Variants in ELP4 observed in about 807,000 individuals in gnomAD.
The protein encoded by ELP4 is elongator complex protein 4.
ELP4 carries 51 observed loss-of-function variants against 48.9 expected under a neutral mutation model. The ratio of observed to expected loss-of-function variants is 1.04; its 90% confidence interval spans 0.83 to 1.32. The LOEUF is 1.32. Ranked by LOEUF, ELP4 falls within the 40% of genes most tolerant of loss-of-function variation. The pLI is 0.00. For synonymous variants in ELP4, 210 were observed against 189.2 expected (o/e 1.11, Z -0.90); for missense variants, 519 against 514.6 (o/e 1.01, Z -0.08).
chr11:31,546,259 A>C (rs557763704), intron 3 of ELP4, among the ~76,000 whole-genome samples: 1 of 152,212 alleles, frequency 6.6e-6, no homozygotes, highest in African/African-American at 2.4e-5. Context: ...GCAGAGACAC[A>C]CATAGGCTCA....
chr11:31,517,415 C>T (rs1284928407), intron 1 of ELP4, among the ~76,000 whole-genome samples: 2 of 151,958 alleles, frequency 1.3e-5, no homozygotes, highest in African/African-American at 2.4e-5. Context: ...CTGCCTGCCT[C>T]GGCCTTCCAA....
chr11:31,602,500 A>G (rs1957801820), intron 4 of ELP4, among the ~76,000 whole-genome samples: 1 of 152,048 alleles, frequency 6.6e-6, no homozygotes, highest in Admixed American at 6.6e-5. Flanking sequence ...TAATGAAAGT[A>G]AGTAGTACCT....
In ELP4 at chr11:31,652,406, A is replaced by C. The variant is rs559660648; in HGVS notation, c.1143+2185A>C. On this transcript the variant is annotated intron_variant, in intron 9 of 9. Coordinates refer to ENST00000640961, the MANE Select transcript of ELP4 (RefSeq NM_019040.5). ...GGTTCACCTAAAAGTAAATGTTTTA[A>C]ATGTAGCATTGTACATTCTAAAATG... 3 of 151,840 alleles carry C rather than the reference A, an allele frequency of 2.0e-5. No individual in the cohort carries two copies. The South Asian group carries it at 6.2e-4, about 31-fold the overall frequency. 9.4% of individuals were successfully genotyped at this position (151,840 alleles called of 1,614,324 possible). A position where few individuals can be genotyped will look rare whatever the true frequency, so the allele number is the denominator to read the frequency against.
chr11:31,739,938 C>T (rs996434658), intron 9 of ELP4, among the ~76,000 whole-genome samples: 1 of 152,216 alleles, frequency 6.6e-6, no homozygotes, highest in African/African-American at 2.4e-5. Context: ...TGCCATCACT[C>T]CAATTCTGAA....
intron 9 of ELP4, among the ~76,000 whole-genome samples, chr11:31,749,262 G>A (rs72898378): frequency 8.9e-4 from 135 of 152,324 alleles, no homozygotes; most frequent in Admixed American, 2.0e-3. Flanking sequence ...AGTCAGGGAT[G>A]CAGTTATCTT....
At chr11:31,771,940 C>T (rs1948152981) in intron 9 of ELP4, among the ~76,000 whole-genome samples, 1 of 151,750 alleles carries the variant, frequency 6.6e-6, no homozygotes, top group Non-Finnish European at 1.5e-5. Flanking sequence ...CAAGATTGTG[C>T]CACTGCACTC....
chr11:31,610,766 T>G (rs1460403220), intron 5 of ELP4, among the ~76,000 whole-genome samples: 1 of 152,244 alleles, frequency 6.6e-6, no homozygotes, highest in African/African-American at 2.4e-5. Context: ...ATCTTGTTCC[T>G]CATTTCATGC....
chr11:31,750,986 A>G (rs1386092359), intron 9 of ELP4, among the ~76,000 whole-genome samples: 2 of 152,216 alleles, frequency 1.3e-5, no homozygotes, highest in African/African-American at 4.8e-5. Flanking sequence ...TCCAGTATTT[A>G]ACACCTCATT....
chr11:31,666,670 C>A lies in ELP4; in HGVS notation c.1143+16449C>A, dbSNP rs193269992. ...TTGCGCCACTGCACTCCAGCCTGGA[C>A]GACAGAGTGAGATTCTGTCTCAAAA... On this transcript the variant is annotated intron_variant, in intron 9 of 9. Transcript: ENST00000640961. 3.9e-4 allele frequency among the ~76,000 whole-genome samples: 53 copies of A among 134,386 alleles called. No individual in the cohort carries two copies. The South Asian group carries it at 0.012, about 31-fold the overall frequency. 88.2% of individuals were successfully genotyped at this position (134,386 alleles called of 152,430 possible).
At chr11:31,544,566 G>T (rs530014595) in intron 3 of ELP4, among the ~76,000 whole-genome samples, 2 of 152,332 alleles carry the variant, frequency 1.3e-5, no homozygotes, top group East Asian at 3.9e-4. Flanking sequence ...TCCACCTCTC[G>T]GGGCAGGGCA....
Position 31,753,003 on chromosome 11 carries a change from C to T in ELP4, c.1144-30390C>T, listed in dbSNP as rs559487803. On this transcript the variant is annotated intron_variant, in intron 9 of 9. Transcript: ENST00000640961. ...CTTAGCCTGTCTATATTACGGTTTA[C>T]TCATCTGTATAAGGGTCATCGAGAA... is the stretch of plus-strand genomic sequence containing the variant. 2.6e-4 allele frequency among the ~76,000 whole-genome samples: 40 copies of T among 152,248 alleles called. No homozygotes were observed. The South Asian group carries it at 3.9e-3, about 15-fold the overall frequency.
At chr11:31,667,402 C>CT (rs1214113183) in intron 9 of ELP4, among the ~76,000 whole-genome samples, 2 of 152,022 alleles carry the variant, frequency 1.3e-5, no homozygotes, top group African/African-American at 4.8e-5. Context: ...TAACCATCAA[C>CT]TTTATTTTGG....
chr11:31,660,650 G>GT (rs146181217), intron 9 of ELP4, among the ~76,000 whole-genome samples: 2,721 of 150,898 alleles, frequency 0.018, 83 homozygotes, highest in African/African-American at 0.063. Context: ...ATATGTACTT[G>GT]TTTTTTTTTA....
intron 9 of ELP4, among the ~76,000 whole-genome samples, chr11:31,748,125 T>C (rs185909595): frequency 6.6e-6 from 1 of 152,340 alleles, no homozygotes; most frequent in Admixed American, 6.5e-5. Flanking sequence ...TCCAATTGTT[T>C]CCTTTTTCTG....
chr11:31,680,815 C>G (rs1399298697), intron 9 of ELP4, among the ~76,000 whole-genome samples: 5 of 152,092 alleles, frequency 3.3e-5, no homozygotes, highest in Admixed American at 2.0e-4. Context: ...AGGAAGAACT[C>G]TAAGGTAGAC....
intron 5 of ELP4, among the ~76,000 whole-genome samples, chr11:31,606,195 CTTAA>C (rs1466416373): frequency 6.6e-6 from 1 of 152,016 alleles, no homozygotes; most frequent in Non-Finnish European, 1.5e-5. Context: ...AACTTAAATG[CTTAA>C]TTAAATGTAA....
At chr11:31,557,958 A>C (rs1269258687) in intron 3 of ELP4, among the ~76,000 whole-genome samples, 1 of 152,018 alleles carries the variant, frequency 6.6e-6, no homozygotes, top group Non-Finnish European at 1.5e-5. Context: ...TCTTTTGTTC[A>C]TCATATAAAT....
intron 8 of ELP4, chr11:31,648,089 G>A (rs745442570): frequency 5.0e-5 from 15 of 300,392 alleles, no homozygotes; most frequent in Non-Finnish European, 1.2e-5. Context: ...TGAGTCAGGT[G>A]TATATTTTGT....
At chr11:31,715,110 C>CT (rs1946818101) in intron 9 of ELP4, 1 of 278,946 alleles carries the variant, frequency 3.6e-6, no homozygotes. Flanking sequence ...GATGGCAACT[C>CT]TTTCTCAGAT....
Sources: gnomAD v4.1 joint callset for allele counts (sites outside exome capture counted in the v4.1 genomes callset) on GRCh38, gnomAD v4.1.1 for gene constraint, MANE v1.5 for transcripts, NCBI Gene and HGNC (gene_info 2026-07-23, HGNC 2026-07-21) for gene names.